RCC1L: variants seen among roughly 807,000 people sequenced by gnomAD.
The protein encoded by RCC1L is RCC1-like G exchanging factor-like protein.
A neutral mutation model predicts 58.6 loss-of-function variants in RCC1L; 46 were observed. The observed-to-expected ratio is 0.79, with a 90% CI of 0.62 to 1.00. RCC1L has a LOEUF of 1.00. Ranked by LOEUF, RCC1L falls within the 50% of genes least tolerant of loss-of-function variation. The pLI, the probability that RCC1L is intolerant of heterozygous loss-of-function variation, is 0.00. For missense variants in RCC1L, 636 were observed against 623.6 expected, an observed-to-expected ratio of 1.02 and a Z score of -0.21; for synonymous variants, 281 against 262.9, an observed-to-expected ratio of 1.07 and a Z score of -0.67.
chr7:75,057,417 A>T, intron 8 of RCC1L, 112 bp downstream of exon 8: 1 of 1,101,550 alleles, frequency 9.1e-7, no homozygotes, highest in Non-Finnish European at 1.4e-6. Flanking sequence ...GCGCCCAGCC[A>T]TGTTACCCTC....
At chr7:75,056,730 G>A in intron 8 of RCC1L, 2 of 1,535,356 alleles carry the variant, frequency 1.3e-6, no homozygotes, top group East Asian at 2.4e-5. Flanking sequence ...TGTATCTACA[G>A]ATAAATCGCA....
At chr7:75,058,538 A>C (rs2131995767) in intron 7 of RCC1L, 50 bp downstream of exon 7, 1 of 1,553,164 alleles carries the variant, frequency 6.4e-7, no homozygotes, top group East Asian at 2.4e-5. Context: ...GCCCCTTAAC[A>C]CTTTAATGTT....
At chr7:75,064,777 T>G in intron 3 of RCC1L, 129 bp from the exon 4 acceptor site, 3 of 1,028,382 alleles carry the variant, frequency 2.9e-6, no homozygotes, top group Non-Finnish European at 4.6e-6. Flanking sequence ...GCCCCTGGGT[T>G]TCCTTCTCCA....
intron 3 of RCC1L, among the ~76,000 whole-genome samples, chr7:75,066,171 G>T (rs2132007044): frequency 6.6e-6 from 1 of 152,268 alleles, no homozygotes; most frequent in Non-Finnish European, 1.5e-5. Flanking sequence ...CAACAAGGTG[G>T]CCAGGTGCAG....
chr7:75,031,633 G>C (rs1805309192), intron 10 of RCC1L, among the ~76,000 whole-genome samples: 1 of 152,134 alleles, frequency 6.6e-6, no homozygotes, highest in South Asian at 2.1e-4. Flanking sequence ...CCAGGGGCTA[G>C]AGGCGGGTAG....
intron 4 of RCC1L, among the ~76,000 whole-genome samples, chr7:75,064,340 A>AT (rs1806382335): frequency 1.3e-5 from 2 of 151,988 alleles, no homozygotes; most frequent in Non-Finnish European, 2.9e-5. Flanking sequence ...AAAAAAAAAA[A>AT]AAAAAATTTA....
At chr7:75,028,099 G>A (rs1805188368) in intron 10 of RCC1L, 2 of 1,511,922 alleles carry the variant, frequency 1.3e-6, no homozygotes, top group Non-Finnish European at 8.8e-7. Flanking sequence ...GAGGAAGAGG[G>A]CTCTCTATGA....
chr7:75,030,240 G>C (rs1379461045), intron 10 of RCC1L, among the ~76,000 whole-genome samples: 2 of 152,256 alleles, frequency 1.3e-5, no homozygotes, highest in Non-Finnish European at 2.9e-5. Context: ...TGTGAGCGTG[G>C]ATGTGTTCCT....
At chr7:75,045,774 A>C (rs1805701861) in intron 10 of RCC1L, among the ~76,000 whole-genome samples, 1 of 152,190 alleles carries the variant, frequency 6.6e-6, no homozygotes, top group African/African-American at 2.4e-5. Flanking sequence ...TTGGCCTCCC[A>C]AAGCGCTGGG....
At chr7:75,050,349 C>T (rs922955952) in intron 10 of RCC1L, among the ~76,000 whole-genome samples, 60 of 152,078 alleles carry the variant, frequency 3.9e-4, no homozygotes, top group Non-Finnish European at 6.5e-4. Flanking sequence ...TGGTGTGTGG[C>T]GAGCCAGGGC....
At chr7:75,040,753 ACG>A (rs1263882096), downstream of RCC1L, among the ~76,000 whole-genome samples, 3 of 152,058 alleles carry the variant, frequency 2.0e-5, no homozygotes, top group Non-Finnish European at 4.4e-5. Flanking sequence ...AAAATGACAC[ACG>A]GTTTTCAATT....
At chr7:75,057,711 T>C (rs1806126451) in intron 7 of RCC1L, 95 bp from the exon 8 acceptor site, 16 of 1,054,896 alleles carry the variant, frequency 1.5e-5, no homozygotes, top group Non-Finnish European at 2.2e-5. Flanking sequence ...GAGTCCTAGT[T>C]CATTCATTCA....
At chr7:75,056,554 T>C in intron 8 of RCC1L, 1 of 1,529,412 alleles carries the variant, frequency 6.5e-7, no homozygotes, top group South Asian at 1.2e-5. Context: ...TGGTGCCAGA[T>C]ATTTCATCGT....
At chr7:75,057,247 A>ACAGGT (rs1431646909) in intron 8 of RCC1L, among the ~76,000 whole-genome samples, 12 of 152,160 alleles carry the variant, frequency 7.9e-5, no homozygotes, top group African/African-American at 2.9e-4. Context: ...TGCTGAGATT[A>ACAGGT]CAGGTGTGAG....
intron 10 of RCC1L, among the ~76,000 whole-genome samples, chr7:75,030,257 TAG>T (rs1805265067): frequency 2.0e-5 from 3 of 152,348 alleles, no homozygotes; most frequent in Admixed American, 6.5e-5. Flanking sequence ...TCCTATGCAT[TAG>T]AGTGTGTGCG....
Position 75,027,770 on chromosome 7 carries a change from A to C in RCC1L, c.*262T>G. On this transcript the variant is annotated 3_prime_UTR_variant, in exon 11 of 11. Transcript: ENST00000614461. ...TTTCCCATCCCCATCCTGCTCGTGT[A>C]AAGCTTGGTTTATCTTCTCGGCGTT... is the stretch of plus-strand genomic sequence containing the variant. 5 of 508,546 alleles carry C rather than the reference A, an allele frequency of 9.8e-6. No individual in the cohort carries two copies. The East Asian group carries it at 1.1e-4, about 11-fold the overall frequency. The allele number at this position is 508,546 out of a possible 1,614,324, so 31.5% of individuals were successfully genotyped here.
intron 10 of RCC1L, among the ~76,000 whole-genome samples, chr7:75,048,484 A>G (rs1174631947): frequency 3.9e-5 from 6 of 152,214 alleles, no homozygotes; most frequent in African/African-American, 1.2e-4. Context: ...GACCTGGGGC[A>G]AGCCCCTTCG....
chr7:75,045,784 G>A (rs1444395859), intron 10 of RCC1L, among the ~76,000 whole-genome samples: 1 of 152,254 alleles, frequency 6.6e-6, no homozygotes, highest in Non-Finnish European at 1.5e-5. Context: ...AAAGCGCTGG[G>A]ATTACAGGCG....
intron 10 of RCC1L, among the ~76,000 whole-genome samples, chr7:75,035,806 AC>A (rs1360193878): frequency 6.6e-6 from 1 of 151,720 alleles, no homozygotes; most frequent in Non-Finnish European, 1.5e-5. Flanking sequence ...GTTCAATACC[AC>A]CCTGGGCAAC....
Sources: gnomAD v4.1 joint callset for allele counts (sites outside exome capture counted in the v4.1 genomes callset) on GRCh38, gnomAD v4.1.1 for gene constraint, MANE v1.5 for transcripts, NCBI Gene and HGNC (gene_info 2026-07-23, HGNC 2026-07-21) for gene names.